The following ZNF462 variants were observed in gnomAD, a reference collection of about 807,000 sequenced individuals.
ZNF462 encodes zinc finger PBX1-interacting protein.
ZNF462 carries 10 observed loss-of-function variants against 201.9 expected under a neutral mutation model. The ratio of observed to expected loss-of-function variants is 0.05; its 90% CI spans 0.03 to 0.08. The LOEUF is 0.08. ZNF462 is among the 10% of genes least tolerant of loss of function. The pLI is 1.00. For missense variants in ZNF462, 2,523 were observed against 3,168.3 expected (o/e 0.80, Z 4.89); for synonymous variants, 1,227 against 1,193.3 (o/e 1.03, Z -0.58).
Position 106,928,924 on chromosome 9 carries a change from C to A in ZNF462, c.5012C>A (p.Thr1671Lys). The A allele has an allele frequency of 6.2e-7, 1 of 1,614,068 alleles. No homozygotes were observed. The change falls in exon 3 of 13, where the codon ACG (threonine) becomes AAG (lysine). Residue 1671 changes from threonine to lysine, a missense_variant. By Grantham distance (78) the Thr-to-Lys change is moderately conservative (BLOSUM62 -1). Coordinates refer to ENST00000277225, the MANE Select transcript of ZNF462 (RefSeq NM_021224.6). The surrounding 1 kb of genome is among the most constrained non-coding windows in gnomAD (Gnocchi z 9.3). Reference protein sequence around the residue: ...RCQLCKYFCSTRKGIARHYRI... With the variant: ...RCQLCKYFCSKRKGIARHYRI... ...CAGCTCTGCAAGTACTTCTGCTCCA[C>A]GAGGAAGGGGATCGCCAGGCACTAC...
intron 7 of ZNF462, among the ~76,000 whole-genome samples, chr9:106,960,456 T>C (rs1220135282): frequency 6.6e-6 from 1 of 152,136 alleles, no homozygotes; most frequent in Non-Finnish European, 1.5e-5. Flanking sequence ...CCAAGTCATT[T>C]ATATAAAGAG....
chr9:107,001,923 C>T (rs10978698), intron 10 of ZNF462, among the ~76,000 whole-genome samples: 36,027 of 151,854 alleles, frequency 0.24, 4,550 homozygotes, highest in South Asian at 0.36. Flanking sequence ...GAGGTTTTTC[C>T]CTGAGTTCTT....
At chr9:106,881,268 G>A (rs557352479) in intron 1 of ZNF462, among the ~76,000 whole-genome samples, 1 of 152,292 alleles carries the variant, frequency 6.6e-6, no homozygotes, top group Non-Finnish European at 1.5e-5. Flanking sequence ...TGAGGGAGGA[G>A]CACTTGATTC....
Position 106,935,526 on chromosome 9 carries a change from A to G in ZNF462, c.6140A>G (p.His2047Arg). Residue 2047 changes from histidine (H) to arginine (R), a missense_variant, in exon 6 of 13, where the codon CAC becomes CGC. By Grantham distance (29) the His-to-Arg change is conservative. Coordinates refer to ENST00000277225, the MANE Select transcript of ZNF462 (RefSeq NM_021224.6). This position sits in a 1 kb window ranked among gnomAD's most constrained non-coding sequence, Gnocchi z 4.1. ...AGTTTGGATCGCCATATGCAAACCC[A>G]CCACGGACACCATAAACCATTCCGA... is the stretch of plus-strand genomic sequence containing the variant. Reference protein sequence around the residue: ...RHNLDRHMQTHHGHHKPFRCK... With the variant: ...RHNLDRHMQTRHGHHKPFRCK... 6.2e-7 allele frequency: 1 copy of G among 1,614,096 alleles called. No homozygotes were observed. Among genetic ancestry groups the G allele is most frequent in the Non-Finnish European group, 8.5e-7 (1 of 1,179,972 alleles).
chr9:106,965,114 G>GA (rs1832012096), intron 7 of ZNF462, among the ~76,000 whole-genome samples: 1 of 152,090 alleles, frequency 6.6e-6, no homozygotes, highest in South Asian at 2.1e-4. Flanking sequence ...GGATTGCTGG[G>GA]AAAAATCTTC....
Position 106,929,221 on chromosome 9 carries a change from C to T in ZNF462, c.5309C>T (p.Ser1770Phe). 1 of 1,614,186 alleles carries T rather than the reference C, an allele frequency of 6.2e-7. No homozygotes were observed. Among genetic ancestry groups the T allele is most frequent in the Non-Finnish European group, 8.5e-7 (1 of 1,180,042 alleles). The change falls in exon 3 of 13, where the codon TCC becomes TTC. Residue 1770 changes from serine to phenylalanine, a missense_variant. Around this residue, in one of 15 missense-constraint regions of ZNF462, gnomAD observed 207 missense variants for 231.6 expected, o/e 0.89. Transcript: ENST00000277225. This position sits in a 1 kb window ranked among gnomAD's most constrained non-coding sequence, Gnocchi z 8.7. ...LRRAVEKKKCSLCSFQSFSKK... is the reference protein window; with the variant it reads ...LRRAVEKKKCFLCSFQSFSKK... ...CGGGCAGTGGAGAAGAAAAAGTGCT[C>T]CTTGTGCTCTTTCCAGTCGTTCAGC...
Position 106,962,695 on chromosome 9 carries a change from C to T in ZNF462, c.6428-9310C>T, listed in dbSNP as rs1433759717. ...CATATTTCAAGGTTTTGTTTTTACT[C>T]ATCAGAATGACAGGAAGTTTTCAGT... On this transcript the variant is annotated intron_variant, in intron 7 of 12. Coordinates refer to ENST00000277225, the MANE Select transcript of ZNF462 (RefSeq NM_021224.6). This position sits in a 1 kb window ranked among gnomAD's most constrained non-coding sequence, Gnocchi z 4.6. Among the ~76,000 whole-genome samples, 1 of 151,966 alleles carries T rather than the reference C, an allele frequency of 6.6e-6. No individual in the cohort carries two copies. The highest frequency in any genetic ancestry group is 2.4e-5 in the African/African-American group (1 of 41,390).
Position 106,927,567 on chromosome 9 carries a change from T to C in ZNF462, c.3655T>C (p.Phe1219Leu). Residue 1219 changes from phenylalanine (F) to leucine (L), a missense_variant, in exon 3 of 13, where the codon TTC (phenylalanine) becomes CTC (leucine). Phe to Leu is a conservative substitution (Grantham distance 22). Coordinates refer to ENST00000277225, the MANE Select transcript of ZNF462 (RefSeq NM_021224.6). ...TCATTATCAGAAGAAGCACCGAGAC[T>C]TCAAGGCCAATGCAGATGTGATCCG... ...LIHYQKKHRD[F>L]KANADVIRQH... The C allele has an allele frequency of 1.2e-6, 2 of 1,613,796 alleles. No homozygotes were observed. The highest frequency in any genetic ancestry group is 1.7e-6 in the Non-Finnish European group (2 of 1,179,906).
Position 106,929,673 on chromosome 9 carries a change from C to T in ZNF462, c.5761C>T (p.Arg1921Cys), listed in dbSNP as rs1293299188. 1.2e-6 allele frequency: 2 copies of T among 1,614,172 alleles called. No homozygotes were observed. The highest frequency in any genetic ancestry group is 1.7e-5 in the Admixed American group (1 of 60,030). Residue 1921 changes from arginine (R) to cysteine (C), a missense_variant, in exon 3 of 13, where the codon CGT becomes TGT. This residue lies in a region of ZNF462 where 107 missense variants were observed against 187.7 expected (regional missense o/e 0.57). Coordinates refer to ENST00000277225, the MANE Select transcript of ZNF462 (RefSeq NM_021224.6). The surrounding 1 kb of genome is among the most constrained non-coding windows in gnomAD (Gnocchi z 8.7). ...CATTCACAATGAGGAATTCCAGAAG[C>T]GTGCCAAACGTCAGGAGAGGAGGAA... ...LNIHNEEFQK[R>C]AKRQERRKQL...
intron 10 of ZNF462, among the ~76,000 whole-genome samples, chr9:106,997,259 A>G (rs1828805322): frequency 6.6e-6 from 1 of 152,194 alleles, no homozygotes; most frequent in African/African-American, 2.4e-5. Context: ...TAGAGAAAAC[A>G]GCACGAAAGC....
chr9:106,982,471 T>G (rs1391215612), intron 9 of ZNF462, among the ~76,000 whole-genome samples: 1 of 152,170 alleles, frequency 6.6e-6, no homozygotes, highest in African/African-American at 2.4e-5. Context: ...GATTTACTAG[T>G]TTATGCCAAA....
intron 7 of ZNF462, 94 bp downstream of exon 7, chr9:106,939,201 T>A: frequency 7.9e-7 from 1 of 1,272,376 alleles, no homozygotes; most frequent in Non-Finnish European, 1.1e-6. Flanking sequence ...AAATCTTATG[T>A]GAAAACATGA....
intron 1 of ZNF462, among the ~76,000 whole-genome samples, chr9:106,892,691 T>G (rs941732983): frequency 7.0e-6 from 1 of 143,490 alleles, no homozygotes; most frequent in Non-Finnish European, 1.5e-5. Flanking sequence ...CACACACACA[T>G]GCACACACAC....
chr9:106,927,183 C>T lies in ZNF462; in HGVS notation c.3271C>T (p.Pro1091Ser). The T allele has an allele frequency of 6.2e-7, 1 of 1,613,776 alleles. No homozygotes were observed. The highest frequency in any genetic ancestry group is 8.5e-7 in the Non-Finnish European group (1 of 1,179,964). ...ATTTGAGGTGGGTGCTCCAATGTCT[C>T]CCAAAATGTCCAACATGGGTTCCCC... ...LSFEVGAPMS[P>S]KMSNMGSPPP... The change falls in exon 3 of 13, where the codon CCC becomes TCC. Residue 1091 changes from proline to serine, a missense_variant. Coordinates refer to ENST00000277225, the MANE Select transcript of ZNF462 (RefSeq NM_021224.6).
chr9:106,959,050 AT>A (rs1400923484), intron 7 of ZNF462, among the ~76,000 whole-genome samples: 1 of 152,130 alleles, frequency 6.6e-6, no homozygotes, highest in Non-Finnish European at 1.5e-5. Context: ...AAGCAAGTTG[AT>A]TTGTGACCAT....
At position 106,880,020 on chromosome 9, in the gene ZNF462, T is replaced by C. The variant is rs940215455; in HGVS notation, c.-31+16665T>C. Among the ~76,000 whole-genome samples, 8 of 152,094 alleles carry C rather than the reference T, an allele frequency of 5.3e-5. No individual in the cohort carries two copies. The highest frequency in any genetic ancestry group is 1.0e-4 in the Non-Finnish European group (7 of 68,004). On this transcript the variant is annotated intron_variant, in intron 1 of 12. Coordinates refer to ENST00000277225, the MANE Select transcript of ZNF462 (RefSeq NM_021224.6). This position sits in a 1 kb window ranked among gnomAD's most constrained non-coding sequence, Gnocchi z 4.1. The stretch of plus-strand genomic sequence containing the variant: ...GGATCCTTGTAGCAGTTGAACATGA[T>C]AGTTGAATTGTTTCTAATATCTGAG...
At chr9:106,987,439 A>G (rs1009797228) in intron 10 of ZNF462, among the ~76,000 whole-genome samples, 3 of 151,984 alleles carry the variant, frequency 2.0e-5, no homozygotes, top group African/African-American at 4.8e-5. Flanking sequence ...ATTTTTCCAT[A>G]TGTCTGTTGG....
At chr9:107,004,664 G>A (rs1183369185) in intron 11 of ZNF462, among the ~76,000 whole-genome samples, 1 of 151,828 alleles carries the variant, frequency 6.6e-6, no homozygotes, top group Admixed American at 6.6e-5. Flanking sequence ...ATACATTGTG[G>A]AAAATTAAAT....
intron 1 of ZNF462, among the ~76,000 whole-genome samples, chr9:106,901,491 G>A (rs567310101): frequency 6.6e-6 from 1 of 152,146 alleles, no homozygotes; most frequent in South Asian, 2.1e-4. Flanking sequence ...CATTGAATTT[G>A]TACATTGCTT....
Sources: allele counts gnomAD v4.1 joint callset (sites outside exome capture counted in the v4.1 genomes callset), GRCh38; gene constraint gnomAD v4.1.1; regional missense constraint gnomAD v4.1.1; non-coding constraint Gnocchi (gnomAD v3.1); transcripts MANE v1.5; gene names NCBI Gene and HGNC (gene_info 2026-07-23, HGNC 2026-07-21).